NTRK2: variants seen among roughly 807,000 people sequenced by gnomAD.
The protein encoded by NTRK2 is BDNF/NT-3 growth factors receptor.
NTRK2 carries 13 observed loss-of-function variants against 94.5 expected under a neutral mutation model. The observed-to-expected ratio is 0.14, with a 90% CI of 0.09 to 0.22. The LOEUF is 0.22. Among genes scored for constraint, NTRK2 ranks in the 10% least tolerant of loss-of-function variants. The pLI is 1.00. For missense variants in NTRK2, 639 were observed against 1,071.2 expected, an observed-to-expected ratio of 0.60 and a Z score of 5.63; for synonymous variants, 372 against 407.4, an observed-to-expected ratio of 0.91 and a Z score of 1.05.
intron 11 of NTRK2, among the ~76,000 whole-genome samples, chr9:84,749,867 A>G (rs1055178310): frequency 3.3e-5 from 5 of 152,210 alleles, no homozygotes; most frequent in African/African-American, 9.6e-5. Context: ...AGATGGGTAT[A>G]TCAGTCAGAA....
At chr9:84,879,926 A>G (rs962529318) in intron 14 of NTRK2, among the ~76,000 whole-genome samples, 28 of 152,344 alleles carry the variant, frequency 1.8e-4, no homozygotes, top group African/African-American at 6.3e-4. Context: ...TCTATGGTAC[A>G]ATGATTGATA....
At chr9:84,954,989 A>G (rs572683224) in intron 16 of NTRK2, among the ~76,000 whole-genome samples, 4 of 152,246 alleles carry the variant, frequency 2.6e-5, no homozygotes, top group Non-Finnish European at 5.9e-5. Context: ...AGCCCCTAAA[A>G]TGTCAACCTG....
At chr9:84,759,674 A>G (rs1387234299) in intron 12 of NTRK2, among the ~76,000 whole-genome samples, 1 of 152,220 alleles carries the variant, frequency 6.6e-6, no homozygotes, top group East Asian at 1.9e-4. Context: ...ACCTCCTCAC[A>G]TAGCTTATGG....
intron 16 of NTRK2, 57 bp from the exon 17 acceptor site, chr9:84,955,226 G>A: frequency 7.1e-7 from 1 of 1,415,540 alleles, no homozygotes; most frequent in Middle Eastern, 2.0e-4. Flanking sequence ...AGGGGCAAAG[G>A]GCCCCTGGAG....
chr9:84,739,217 A>C (rs1371562008), intron 9 of NTRK2, among the ~76,000 whole-genome samples: 1 of 151,928 alleles, frequency 6.6e-6, no homozygotes, highest in South Asian at 2.1e-4. Context: ...TGCCTCGCTA[A>C]TTTTTGTATT....
At chr9:84,991,758 A>T (rs1428683036) in intron 17 of NTRK2, among the ~76,000 whole-genome samples, 1 of 152,188 alleles carries the variant, frequency 6.6e-6, no homozygotes, top group East Asian at 1.9e-4. Flanking sequence ...GCCAATTAGT[A>T]TGCAGGGCCA....
intron 17 of NTRK2, among the ~76,000 whole-genome samples, chr9:84,975,278 C>A (rs1209659059): frequency 6.6e-6 from 1 of 152,096 alleles, no homozygotes. Context: ...GGTTGCTAGG[C>A]AATCACTTCT....
In NTRK2 at chr9:84,774,628, G is replaced by A. The variant is rs2066860091; in HGVS notation, c.1396+22543G>A. Among the ~76,000 whole-genome samples the A allele has an allele frequency of 3.9e-5, 6 of 152,192 alleles. No individual in the cohort carries two copies. The South Asian group carries it at 8.3e-4, about 21-fold the overall frequency. Reference sequence around the variant, plus strand: ...CTTAGAACACTAGCATTGGGGAAAAGGCTGGTTTCTGTAGTCCAGTGTAGC... The same window carrying A: ...CTTAGAACACTAGCATTGGGGAAAAAGCTGGTTTCTGTAGTCCAGTGTAGC... On this transcript the variant is annotated intron_variant, in intron 12 of 18. Coordinates refer to ENST00000277120, the MANE Select transcript of NTRK2 (RefSeq NM_006180.6).
intron 12 of NTRK2, among the ~76,000 whole-genome samples, chr9:84,779,197 G>T (rs1381703141): frequency 1.3e-5 from 2 of 152,176 alleles, no homozygotes; most frequent in Non-Finnish European, 2.9e-5. Flanking sequence ...AAACATAGGT[G>T]CTCATTCTGA....
At chr9:84,845,757 G>T (rs1230677526) in intron 12 of NTRK2, among the ~76,000 whole-genome samples, 1 of 152,076 alleles carries the variant, frequency 6.6e-6, no homozygotes, top group Non-Finnish European at 1.5e-5. Flanking sequence ...AATAGACTGT[G>T]GGGACTTGGT....
chr9:84,727,129 G>T (rs1248705190), intron 8 of NTRK2, among the ~76,000 whole-genome samples: 1 of 152,174 alleles, frequency 6.6e-6, no homozygotes, highest in Non-Finnish European at 1.5e-5. Flanking sequence ...TTCATCATCA[G>T]CAGCAACATT....
chr9:84,797,660 T>TATACTATAATAATA lies in NTRK2; in HGVS notation c.1396+45575_1396+45576insATACTATAATAATA, dbSNP rs1564297727. Among the ~76,000 whole-genome samples the TATACTATAATAATA allele has an allele frequency of 4.0e-3, 167 of 42,196 alleles. 3 individuals carry two copies. Among genetic ancestry groups the TATACTATAATAATA allele is most frequent in the Non-Finnish European group, 4.6e-3 (123 of 26,550 alleles). The allele number at this position is 42,196 out of a possible 152,430, so 27.7% of individuals were successfully genotyped here. Reference sequence around the variant, plus strand: ...TATATATACTATAATAATATATATATTATATATTATATATTATATATACTA... The same window carrying TATACTATAATAATA: ...TATATATACTATAATAATATATATATATACTATAATAATATATATATTATATATTATATATACTA... On this transcript the variant is annotated intron_variant, in intron 12 of 18. Coordinates refer to ENST00000277120, the MANE Select transcript of NTRK2 (RefSeq NM_006180.6).
chr9:84,998,071 C>T (rs1294910355), intron 17 of NTRK2, among the ~76,000 whole-genome samples: 1 of 152,228 alleles, frequency 6.6e-6, no homozygotes. Flanking sequence ...CTCAGACAGA[C>T]TCCTCTGAAG....
At chr9:84,699,709 C>T (rs373575880) in intron 2 of NTRK2, among the ~76,000 whole-genome samples, 73 of 150,966 alleles carry the variant, frequency 4.8e-4, no homozygotes, top group African/African-American at 1.7e-3. Context: ...AATTGAATTC[C>T]GGGCTCCGTT....
intron 4 of NTRK2, among the ~76,000 whole-genome samples, chr9:84,705,326 G>T (rs2060978541): frequency 6.6e-6 from 1 of 152,182 alleles, no homozygotes; most frequent in Non-Finnish European, 1.5e-5. Context: ...TGTGAGAAAA[G>T]CTGGTATTTG....
chr9:84,832,522 CA>C (rs2073614690), intron 12 of NTRK2, among the ~76,000 whole-genome samples: 1 of 152,168 alleles, frequency 6.6e-6, no homozygotes, highest in African/African-American at 2.4e-5. Context: ...AGGTGAGGAG[CA>C]ACCTGGTGGA....
chr9:84,860,918 T>G, intron 12 of NTRK2, 122 bp from the exon 13 acceptor site: 1 of 484,628 alleles, frequency 2.1e-6, no homozygotes. Flanking sequence ...TTTATTTATT[T>G]ATTTATTTAT....
intron 14 of NTRK2, among the ~76,000 whole-genome samples, chr9:84,924,236 A>AAAGAAAGG (rs2077669993): frequency 1.2e-5 from 1 of 80,356 alleles, no homozygotes; most frequent in African/African-American, 4.8e-5. Flanking sequence ...AAGTAGAAAG[A>AAAGAAAGG]AAGAAAGAAA....
At chr9:84,744,431 C>A (rs1345256384) in intron 10 of NTRK2, among the ~76,000 whole-genome samples, 1 of 152,156 alleles carries the variant, frequency 6.6e-6, no homozygotes, top group Non-Finnish European at 1.5e-5. Context: ...TATCCTCTTA[C>A]GTCTCTGCCC....
Sources: gnomAD v4.1 joint callset for allele counts (sites outside exome capture counted in the v4.1 genomes callset) on GRCh38, gnomAD v4.1.1 for gene constraint, MANE v1.5 for transcripts, NCBI Gene and HGNC (gene_info 2026-07-23, HGNC 2026-07-21) for gene names.